Variants in TACR3 observed in about 807,000 individuals in gnomAD.
TACR3 encodes tachykinin receptor 3.
TACR3 carries 34 observed loss-of-function variants against 35.0 expected under a neutral mutation model. That is an observed-to-expected ratio of 0.97 (90% CI 0.74 to 1.30). TACR3 has a LOEUF of 1.30. Ranked by LOEUF, TACR3 falls within the 50% of genes most tolerant of loss-of-function variation. TACR3 has a pLI of 0.00. For missense variants in TACR3, 558 were observed against 591.7 expected, an observed-to-expected ratio of 0.94 and a Z score of 0.59; for synonymous variants, 233 against 221.1, an observed-to-expected ratio of 1.05 and a Z score of -0.48.
At chr4:103,676,301 TTTC>T (rs1726168787) in intron 1 of TACR3, among the ~76,000 whole-genome samples, 2 of 152,170 alleles carry the variant, frequency 1.3e-5, no homozygotes, top group Admixed American at 6.5e-5. Context: ...AATAAGTAGT[TTTC>T]TTAACTTTGC....
intron 3 of TACR3, among the ~76,000 whole-genome samples, chr4:103,633,746 C>CTATT (rs1307733953): frequency 1.6e-4 from 25 of 152,114 alleles, no homozygotes; most frequent in African/African-American, 5.6e-4. Context: ...GAGCTAATTT[C>CTATT]TATTTTCAGT....
intron 1 of TACR3, among the ~76,000 whole-genome samples, chr4:103,677,257 G>C (rs1169966283): frequency 2.0e-5 from 3 of 152,118 alleles, no homozygotes; most frequent in Non-Finnish European, 4.4e-5. Context: ...TTACACTGTT[G>C]GTAGGAGTAT....
chr4:103,710,268 C>T (rs188056008), intron 1 of TACR3, among the ~76,000 whole-genome samples: 11 of 152,272 alleles, frequency 7.2e-5, no homozygotes, highest in Admixed American at 6.5e-4. Flanking sequence ...TAAAGCACTC[C>T]TCAGCAAATA....
chr4:103,680,527 A>G (rs1722025499), intron 1 of TACR3, among the ~76,000 whole-genome samples: 1 of 147,336 alleles, frequency 6.8e-6, no homozygotes, highest in Non-Finnish European at 1.5e-5. Context: ...ATATATACAC[A>G]TATATATACA....
At chr4:103,643,536 A>G (rs556879419) in intron 3 of TACR3, among the ~76,000 whole-genome samples, 1 of 151,860 alleles carries the variant, frequency 6.6e-6, no homozygotes, top group African/African-American at 2.4e-5. Flanking sequence ...TTCTGTAGGA[A>G]TGAACTCTAC....
intron 1 of TACR3, among the ~76,000 whole-genome samples, chr4:103,684,128 A>G (rs1324653602): frequency 8.1e-6 from 1 of 122,842 alleles, no homozygotes; most frequent in Admixed American, 7.1e-5. Flanking sequence ...ATTCTGTTGA[A>G]AGACAAAAAA....
At chr4:103,599,682 C>T (rs953750385) in intron 3 of TACR3, among the ~76,000 whole-genome samples, 18 of 152,252 alleles carry the variant, frequency 1.2e-4, no homozygotes, top group South Asian at 4.1e-4. Context: ...TGAATTTTGT[C>T]AAAGGCCTTT....
chr4:103,629,845 C>CAAAAAAAAAAAAAAAAA (rs1487546451), intron 3 of TACR3, among the ~76,000 whole-genome samples: 1 of 59,562 alleles, frequency 1.7e-5, no homozygotes, highest in African/African-American at 8.4e-5. Flanking sequence ...CAATCCTAAG[C>CAAAAAAAAAAAAAAAAA]AAAACAAAAA....
At chr4:103,658,874 A>G (rs1725783241) in intron 1 of TACR3, among the ~76,000 whole-genome samples, 1 of 152,142 alleles carries the variant, frequency 6.6e-6, no homozygotes. Flanking sequence ...GTAATATATA[A>G]TAAAATAATT....
At chr4:103,694,393 A>C (rs1295849827) in intron 1 of TACR3, among the ~76,000 whole-genome samples, 1 of 152,080 alleles carries the variant, frequency 6.6e-6, no homozygotes, top group Admixed American at 6.6e-5. Flanking sequence ...TTGTTGAGAC[A>C]ATGCCAGCCT....
At chr4:103,639,256 A>T (rs2110318302) in intron 3 of TACR3, among the ~76,000 whole-genome samples, 1 of 114,970 alleles carries the variant, frequency 8.7e-6, no homozygotes, top group South Asian at 2.4e-4. Flanking sequence ...AATACTATGC[A>T]GCCATAAAAA....
intron 3 of TACR3, among the ~76,000 whole-genome samples, chr4:103,601,567 T>G (rs534971400): frequency 6.6e-6 from 1 of 152,272 alleles, no homozygotes; most frequent in East Asian, 1.9e-4. Context: ...AGGAGCTCTT[T>G]TAGGGCAGGC....
intron 1 of TACR3, among the ~76,000 whole-genome samples, chr4:103,706,931 TACTTCAGTAGA>T (rs1722807548): frequency 6.6e-6 from 1 of 152,218 alleles, no homozygotes; most frequent in Non-Finnish European, 1.5e-5. Context: ...GACAAAAAGA[TACTTCAGTAGA>T]AAATATGCTT....
intron 1 of TACR3, among the ~76,000 whole-genome samples, chr4:103,676,538 G>A (rs1726173530): frequency 6.6e-6 from 1 of 152,074 alleles, no homozygotes; most frequent in African/African-American, 2.4e-5. Context: ...TGGTTCTTCA[G>A]AATAAAGAAT....
Position 103,588,687 on chromosome 4 carries a change from A to G in TACR3, c.*995T>C, listed in dbSNP as rs893335870. 1.3e-4 allele frequency: 20 copies of G among 152,134 alleles called. No individual in the cohort carries two copies. The highest frequency in any genetic ancestry group is 4.8e-4 in the African/African-American group (20 of 41,454). The allele number at this position is 152,134 out of a possible 1,614,324, so 9.4% of individuals were successfully genotyped here. A position where few individuals can be genotyped will look rare whatever the true frequency, so the allele number is the denominator to read the frequency against. Reference sequence around the variant, plus strand: ...TCTACACCTTGCCTAGTTTACTCATATGTAACATATATTGGTATTTTTCAA... The same window carrying G: ...TCTACACCTTGCCTAGTTTACTCATGTGTAACATATATTGGTATTTTTCAA... On this transcript the variant is annotated 3_prime_UTR_variant, in exon 5 of 5. Coordinates refer to ENST00000304883, the MANE Select transcript of TACR3 (RefSeq NM_001059.3).
At chr4:103,711,508 G>A (rs1008012070) in intron 1 of TACR3, among the ~76,000 whole-genome samples, 1 of 151,950 alleles carries the variant, frequency 6.6e-6, no homozygotes, top group African/African-American at 2.4e-5. Context: ...ATAATAAGAG[G>A]TATTTATGAC....
chr4:103,693,599 CT>C (rs1722451749), intron 1 of TACR3, among the ~76,000 whole-genome samples: 1 of 151,976 alleles, frequency 6.6e-6, no homozygotes, highest in Non-Finnish European at 1.5e-5. Context: ...AAATTGTCAT[CT>C]TTTGCATATT....
In TACR3 at chr4:103,589,335, GA is replaced by G; in HGVS notation, c.*346del. ...GTTTTAAAGATTCTTTAATCTCTTG[GA>G]AAAACTATATATCATTTTAATGTCA... On this transcript the variant is annotated 3_prime_UTR_variant, in exon 5 of 5. Transcript: ENST00000304883. 5.1e-6 allele frequency: 1 copy of G among 194,780 alleles called. No individual in the cohort carries two copies. Among genetic ancestry groups the G allele is most frequent in the Admixed American group, 5.3e-5 (1 of 18,816 alleles). The allele number at this position is 194,780 out of a possible 1,614,324, so 12.1% of individuals were successfully genotyped here.
intron 3 of TACR3, among the ~76,000 whole-genome samples, chr4:103,596,378 G>C (rs986192255): frequency 6.6e-6 from 1 of 151,728 alleles, no homozygotes; most frequent in Non-Finnish European, 1.5e-5. Flanking sequence ...CAGTGTAAAA[G>C]TGTTCCTATT....
Sources: gnomAD v4.1 joint callset for allele counts (sites outside exome capture counted in the v4.1 genomes callset) on GRCh38, gnomAD v4.1.1 for gene constraint, MANE v1.5 for transcripts, NCBI Gene and HGNC (gene_info 2026-07-23, HGNC 2026-07-21) for gene names.